The following JARID2 variants were observed in gnomAD, a reference collection of about 807,000 sequenced individuals.
JARID2 encodes jumonji and AT-rich interaction domain containing 2.
Under a neutral mutation model 125.6 loss-of-function variants are expected in JARID2, and 21 were observed. The ratio of observed to expected loss-of-function variants is 0.17; its 90% confidence interval spans 0.12 to 0.24. The LOEUF is 0.24. Ranked by LOEUF, JARID2 falls within the 10% of genes least tolerant of loss-of-function variation. The pLI is 1.00. For missense variants in JARID2, 1,303 were observed against 1,639.6 expected (o/e 0.79, Z 3.55); for synonymous variants, 736 against 661.6 (o/e 1.11, Z -1.73).
In JARID2 at chr6:15,487,449, A is replaced by C; in HGVS notation, c.813A>C (p.Ala271=). 6.2e-7 allele frequency: 1 copy of C among 1,614,210 alleles called. No homozygotes were observed. The highest frequency in any genetic ancestry group is 8.5e-7 in the Non-Finnish European group (1 of 1,180,036). ...AGCAGGCTTCAGCTAACCACCCCGCAGCGGCCCCCTCCACGGGTTCCTCGG... is the reference window on the plus strand; with the variant it reads ...AGCAGGCTTCAGCTAACCACCCCGCCGCGGCCCCCTCCACGGGTTCCTCGG... ...RREQASANHP[A]AAPSTGSSAK... is the part of the protein sequence containing the mutation. The change falls in exon 6 of 18, where the codon GCA becomes GCC. Residue 271 remains alanine (A), a synonymous_variant. Transcript: ENST00000341776.
chr6:15,366,760 T>G (rs1391711803), intron 1 of JARID2, among the ~76,000 whole-genome samples: 1 of 151,994 alleles, frequency 6.6e-6, no homozygotes, highest in Non-Finnish European at 1.5e-5. Context: ...GCAGGATTGT[T>G]TTTTTGCAGC....
At chr6:15,272,229 A>G (rs1400455027) in intron 1 of JARID2, among the ~76,000 whole-genome samples, 3 of 152,226 alleles carry the variant, frequency 2.0e-5, no homozygotes, top group Non-Finnish European at 2.9e-5. Context: ...GTGGCCCTCT[A>G]TGTTGTCCTT....
At chr6:15,452,215 C>A in intron 4 of JARID2, 40 bp downstream of exon 4, 1 of 1,608,656 alleles carries the variant, frequency 6.2e-7, no homozygotes, top group African/African-American at 1.3e-5. Context: ...TACGTGGAAT[C>A]TACATGTAAG....
At chr6:15,516,733 G>C (rs1771581819) in intron 16 of JARID2, among the ~76,000 whole-genome samples, 1 of 152,220 alleles carries the variant, frequency 6.6e-6, no homozygotes, top group African/African-American at 2.4e-5. Context: ...AGTCCTCCAT[G>C]TTCCACATCT....
At chr6:15,465,652 T>TA (rs541021743) in intron 4 of JARID2, among the ~76,000 whole-genome samples, 208 of 151,766 alleles carry the variant, frequency 1.4e-3, no homozygotes, top group Admixed American at 2.9e-3. Context: ...TTTGAGTTTT[T>TA]AAAAAAATCC....
chr6:15,323,983 C>A (rs187044184), intron 1 of JARID2, among the ~76,000 whole-genome samples: 2 of 151,644 alleles, frequency 1.3e-5, no homozygotes, highest in Non-Finnish European at 2.9e-5. Context: ...CAGATCGAGA[C>A]CATCCTGGCT....
At chr6:15,251,846 C>T (rs527440634) in intron 1 of JARID2, among the ~76,000 whole-genome samples, 2 of 152,220 alleles carry the variant, frequency 1.3e-5, no homozygotes, top group South Asian at 2.1e-4. Flanking sequence ...GGCATGGTGG[C>T]GCATGCCTGT....
chr6:15,344,073 G>C (rs1015067175), intron 1 of JARID2, among the ~76,000 whole-genome samples: 2 of 142,046 alleles, frequency 1.4e-5, no homozygotes, highest in Non-Finnish European at 3.0e-5. Flanking sequence ...GGAAGTACAT[G>C]ATAATCTGTT....
chr6:15,485,760 A>G (rs772431771), intron 5 of JARID2, among the ~76,000 whole-genome samples: 67 of 152,372 alleles, frequency 4.4e-4, no homozygotes, highest in Non-Finnish European at 8.1e-4. Context: ...AAACGGCAAA[A>G]GAGGACAGTA....
At chr6:15,366,520 G>GGGGGGGT (rs1433918682) in intron 1 of JARID2, among the ~76,000 whole-genome samples, 1 of 141,312 alleles carries the variant, frequency 7.1e-6, no homozygotes, top group Admixed American at 6.9e-5. Context: ...GGGGGGGGCG[G>GGGGGGGT]GGGGGGTGGG....
At position 15,496,483 on chromosome 6, in the gene JARID2, A is replaced by G. The variant is rs748536010; in HGVS notation, c.1258A>G (p.Lys420Glu). 4 of 1,611,356 alleles carry G rather than the reference A, an allele frequency of 2.5e-6. No individual in the cohort carries two copies. The South Asian group carries it at 4.4e-5, about 18-fold the overall frequency. The change falls in exon 7 of 18, where the codon AAG (lysine) becomes GAG (glutamate). Residue 420 changes from lysine (K) to glutamate (E), a missense_variant. Transcript: ENST00000341776. ...SGRLNPKSCT[K>E]EVGGRQLREG... ...CAGGTTGAACCCAAAGTCATGCACT[A>G]AGGAGGTGGGGGGGCGGCAGCTGCG...
At chr6:15,480,819 A>G (rs79320268) in intron 5 of JARID2, among the ~76,000 whole-genome samples, 1 of 152,204 alleles carries the variant, frequency 6.6e-6, no homozygotes, top group Non-Finnish European at 1.5e-5. Flanking sequence ...CTAGACATCA[A>G]AATCAAGAGT....
chr6:15,261,087 G>T (rs916713133), intron 1 of JARID2, among the ~76,000 whole-genome samples: 1 of 152,116 alleles, frequency 6.6e-6, no homozygotes, highest in African/African-American at 2.4e-5. Flanking sequence ...CATTATCTTT[G>T]ACTTGCAAAG....
intron 1 of JARID2, among the ~76,000 whole-genome samples, chr6:15,338,147 C>G (rs962858284): frequency 1.3e-5 from 2 of 152,138 alleles, no homozygotes; most frequent in Non-Finnish European, 2.9e-5. Context: ...TGCAGTGGTA[C>G]CTATGGCTGG....
intron 1 of JARID2, among the ~76,000 whole-genome samples, chr6:15,298,027 G>C (rs1401123293): frequency 6.6e-6 from 1 of 152,164 alleles, no homozygotes; most frequent in Non-Finnish European, 1.5e-5. Context: ...TTAAAATGTA[G>C]TATGTTTTCC....
chr6:15,291,177 G>C lies in JARID2; in HGVS notation c.45+44593G>C, dbSNP rs192899458. ...TTGAGCCCAGGAGTTCAAGGCTGTTGTGAGCCGTGATTGCACCATTTCATT... is the reference window on the plus strand; with the variant it reads ...TTGAGCCCAGGAGTTCAAGGCTGTTCTGAGCCGTGATTGCACCATTTCATT... On this transcript the variant is annotated intron_variant, in intron 1 of 17. Coordinates refer to ENST00000341776, the MANE Select transcript of JARID2 (RefSeq NM_004973.4). Among the ~76,000 whole-genome samples, 1,100 of 152,288 alleles carry C rather than the reference G, an allele frequency of 7.2e-3. 20 individuals are homozygous for C. Among genetic ancestry groups the C allele is most frequent in the African/African-American group, 0.024 (1,016 of 41,562 alleles).
At chr6:15,448,397 T>G (rs774422289) in intron 3 of JARID2, among the ~76,000 whole-genome samples, 4 of 152,192 alleles carry the variant, frequency 2.6e-5, no homozygotes, top group African/African-American at 4.8e-5. Context: ...TGTGTTTACT[T>G]GTTTGTTTCT....
At chr6:15,475,921 A>C (rs752121442) in intron 5 of JARID2, among the ~76,000 whole-genome samples, 2 of 152,172 alleles carry the variant, frequency 1.3e-5, no homozygotes, top group Non-Finnish European at 2.9e-5. Context: ...TGAGGGCATC[A>C]CGATTGTGTA....
At chr6:15,387,882 G>A (rs562358309) in intron 2 of JARID2, among the ~76,000 whole-genome samples, 9 of 152,228 alleles carry the variant, frequency 5.9e-5, no homozygotes, top group African/African-American at 2.2e-4. Context: ...GGACTTCTGA[G>A]GTCGAGGGAA....
Sources: allele counts gnomAD v4.1 joint callset (sites outside exome capture counted in the v4.1 genomes callset), GRCh38; gene constraint gnomAD v4.1.1; transcripts MANE v1.5; gene names NCBI Gene and HGNC (gene_info 2026-07-23, HGNC 2026-07-21).